Variants in PIEZO2 observed in about 807,000 individuals in gnomAD.
PIEZO2 encodes the protein piezo type mechanosensitive ion channel component 2, also known as piezo-type mechanosensitive ion channel component 2.
In PIEZO2, 172 loss-of-function variants were observed where a neutral mutation model predicts 337.3. The ratio of observed to expected loss-of-function variants is 0.51; its 90% CI spans 0.45 to 0.58. The LOEUF is 0.58. Ranked by LOEUF, PIEZO2 falls within the 20% of genes least tolerant of loss-of-function variation. PIEZO2 has a pLI of 0.00. For missense variants in PIEZO2, 3,028 were observed against 3,391.3 expected, an observed-to-expected ratio of 0.89 and a Z score of 2.66; for synonymous variants, 1,251 against 1,228.5, an observed-to-expected ratio of 1.02 and a Z score of -0.38.
Position 10,795,193 on chromosome 18 carries a change from T to C in PIEZO2, c.1528-191A>G, listed in dbSNP as rs11080458. On this transcript the variant is annotated intron_variant, in intron 12 of 55. Transcript: ENST00000674853. This position sits in a 1 kb window ranked among gnomAD's most constrained non-coding sequence, Gnocchi z 4.4. Reference sequence around the variant, plus strand: ...CTTGGAAGGCAGGAGGTTTTAAAGCTTTAACATTGTAGCTCCATTAACACA... The same window carrying C: ...CTTGGAAGGCAGGAGGTTTTAAAGCCTTAACATTGTAGCTCCATTAACACA... Among the ~76,000 whole-genome samples, 25,645 of 152,134 alleles carry C rather than the reference T, an allele frequency of 0.17. 2,494 individuals are homozygous for C. The highest frequency in any genetic ancestry group is 0.39 in the East Asian group (2,036 of 5,174).
intron 4 of PIEZO2, among the ~76,000 whole-genome samples, chr18:10,898,353 A>T (rs957785434): frequency 6.6e-6 from 1 of 152,124 alleles, no homozygotes; most frequent in East Asian, 1.9e-4. Flanking sequence ...CCCAGGAGGC[A>T]GAGCTTGCAG....
intron 21 of PIEZO2, among the ~76,000 whole-genome samples, chr18:10,768,932 G>A (rs939887299): frequency 1.3e-5 from 2 of 152,020 alleles, no homozygotes; most frequent in Non-Finnish European, 2.9e-5. Context: ...ATGAATTTCC[G>A]CTCCCCCAAT....
chr18:10,878,171 T>G lies in PIEZO2; in HGVS notation c.330-6756A>C, dbSNP rs949015373. On this transcript the variant is annotated intron_variant, in intron 4 of 55. Transcript: ENST00000674853. The surrounding 1 kb of genome is among the most constrained non-coding windows in gnomAD (Gnocchi z 4.3). ...TACCAATCTGCCTAACAGAAGCCCT[T>G]GCCTGTTTCATCTGTTTCCCTGGGG... 9.9e-5 allele frequency among the ~76,000 whole-genome samples: 15 copies of G among 152,228 alleles called. No homozygotes were observed. Among genetic ancestry groups the G allele is most frequent in the Admixed American group, 2.6e-4 (4 of 15,286 alleles).
chr18:11,069,235 T>C lies in PIEZO2; in HGVS notation c.65-3013A>G, dbSNP rs1337881201. On this transcript the variant is annotated intron_variant, in intron 1 of 55. Coordinates refer to ENST00000674853, the MANE Select transcript of PIEZO2 (RefSeq NM_001378183.1). This position sits in a 1 kb window ranked among gnomAD's most constrained non-coding sequence, Gnocchi z 4.9. ...ACAAGGATAATACAAGGAAAGAAAA[T>C]TACAGGCCAGTGTCCTTGATGAACA... 1.3e-5 allele frequency among the ~76,000 whole-genome samples: 2 copies of C among 151,962 alleles called. No homozygotes were observed. The highest frequency in any genetic ancestry group is 1.5e-5 in the Non-Finnish European group (1 of 67,996).
chr18:10,812,375 T>C (rs2040221114), intron 7 of PIEZO2, among the ~76,000 whole-genome samples: 1 of 152,048 alleles, frequency 6.6e-6, no homozygotes, highest in Admixed American at 6.5e-5. Context: ...CGGGGCCTAC[T>C]TGAGGGTGAG....
Position 10,791,201 on chromosome 18 carries a change from CT to C in PIEZO2, c.1881del (p.Asp628MetfsTer31). ...CAGCCACACATATACACTAATTTACCTTTTTCTTCATTTTCCTGACTGCCAA... is the reference window on the plus strand; with the variant it reads ...CAGCCACACATATACACTAATTTACCTTTTCTTCATTTTCCTGACTGCCAA... ...VKIGSQENEEKDEELQDIQVE... is the reference protein window; with the variant it reads ...VKIGSQENEEXDEELQDIQVE... On this transcript the variant is annotated frameshift_variant and splice_region_variant, in exon 14 of 56. Coordinates refer to ENST00000674853, the MANE Select transcript of PIEZO2 (RefSeq NM_001378183.1). LOFTEE classifies it high-confidence loss of function. The C allele has an allele frequency of 6.5e-7, 1 of 1,534,140 alleles. No homozygotes were observed. The highest frequency in any genetic ancestry group is 8.7e-7 in the Non-Finnish European group (1 of 1,145,390).
chr18:10,676,981 G>A lies in PIEZO2; in HGVS notation c.8081+766C>T, dbSNP rs1204919491. On this transcript the variant is annotated intron_variant, in intron 53 of 55. Coordinates refer to ENST00000674853, the MANE Select transcript of PIEZO2 (RefSeq NM_001378183.1). This position sits in a 1 kb window ranked among gnomAD's most constrained non-coding sequence, Gnocchi z 5.1. The stretch of plus-strand genomic sequence containing the variant: ...ACTATGTTGGGCCATATGAACCCAG[G>A]TGGACCTGCCAGAGCTCCCACACCT... Among the ~76,000 whole-genome samples the A allele has an allele frequency of 6.6e-6, 1 of 152,174 alleles. No individual in the cohort carries two copies. Among genetic ancestry groups the A allele is most frequent in the African/African-American group, 2.4e-5 (1 of 41,444 alleles).
chr18:10,922,027 T>C (rs1387506081), intron 3 of PIEZO2, among the ~76,000 whole-genome samples: 1 of 146,590 alleles, frequency 6.8e-6, no homozygotes, highest in Non-Finnish European at 1.5e-5. Context: ...TCATTAGCAA[T>C]TTTAATTTTG....
chr18:10,834,741 T>G lies in PIEZO2; in HGVS notation c.917+20612A>C, dbSNP rs915510245. Among the ~76,000 whole-genome samples, 3 of 152,100 alleles carry G rather than the reference T, an allele frequency of 2.0e-5. No individual in the cohort carries two copies. The highest frequency in any genetic ancestry group is 7.2e-5 in the African/African-American group (3 of 41,412). ...CCTTCCCTTTCCACAAGGCCAGGCTTCCTAGAAAAGGCAGGGTGCCTAGAA... is the reference window on the plus strand; with the variant it reads ...CCTTCCCTTTCCACAAGGCCAGGCTGCCTAGAAAAGGCAGGGTGCCTAGAA... On this transcript the variant is annotated intron_variant, in intron 7 of 55. Coordinates refer to ENST00000674853, the MANE Select transcript of PIEZO2 (RefSeq NM_001378183.1). The surrounding 1 kb of genome is among the most constrained non-coding windows in gnomAD (Gnocchi z 4.5).
At position 10,895,181 on chromosome 18, in the gene PIEZO2, C is replaced by T. The variant is rs1008530726; in HGVS notation, c.329+16005G>A. On this transcript the variant is annotated intron_variant, in intron 4 of 55. Coordinates refer to ENST00000674853, the MANE Select transcript of PIEZO2 (RefSeq NM_001378183.1). The surrounding 1 kb of genome is among the most constrained non-coding windows in gnomAD (Gnocchi z 4.8). The stretch of plus-strand genomic sequence containing the variant: ...AGCCTCATGGCCGAGCATGGTGGCT[C>T]ATGCCTGTAATCCCAGCATTTTGGG... 6.6e-6 allele frequency among the ~76,000 whole-genome samples: 1 copy of T among 152,186 alleles called. No homozygotes were observed. The highest frequency in any genetic ancestry group is 1.9e-4 in the East Asian group (1 of 5,188).
intron 7 of PIEZO2, among the ~76,000 whole-genome samples, chr18:10,822,515 C>T (rs190484073): frequency 1.6e-4 from 24 of 152,288 alleles, no homozygotes; most frequent in Non-Finnish European, 1.8e-4. Context: ...GAGAAGCTCC[C>T]TGATTAGGAA....
chr18:10,686,870 C>A (rs886888139), intron 49 of PIEZO2, among the ~76,000 whole-genome samples: 1 of 152,082 alleles, frequency 6.6e-6, no homozygotes, highest in African/African-American at 2.4e-5. Context: ...GATCTTTATT[C>A]AATGGATGGC....
At chr18:10,873,067 AT>A (rs562329502) in intron 4 of PIEZO2, among the ~76,000 whole-genome samples, 126 of 152,332 alleles carry the variant, frequency 8.3e-4, no homozygotes, top group African/African-American at 2.9e-3. Context: ...ATACATATTC[AT>A]ATGCACTTTA....
chr18:10,765,617 T>A (rs1484482526), intron 21 of PIEZO2, among the ~76,000 whole-genome samples: 1 of 152,114 alleles, frequency 6.6e-6, no homozygotes, highest in Non-Finnish European at 1.5e-5. Context: ...GTAGGACACC[T>A]GAAAGAGCTT....
At chr18:10,884,885 G>A (rs1448857766) in intron 4 of PIEZO2, among the ~76,000 whole-genome samples, 5 of 152,028 alleles carry the variant, frequency 3.3e-5, no homozygotes, top group African/African-American at 9.7e-5. Flanking sequence ...AAGGAAGAGC[G>A]AAAACAGCAT....
At chr18:11,118,411 G>A (rs899213047) in intron 1 of PIEZO2, among the ~76,000 whole-genome samples, 1 of 152,188 alleles carries the variant, frequency 6.6e-6, no homozygotes, top group Non-Finnish European at 1.5e-5. Flanking sequence ...ATGTGTTAGC[G>A]TCATTGCTTT....
intron 2 of PIEZO2, among the ~76,000 whole-genome samples, chr18:10,999,479 T>G (rs981743757): frequency 1.3e-5 from 2 of 152,236 alleles, no homozygotes; most frequent in African/African-American, 4.8e-5. Context: ...TTGTCCTTAT[T>G]CTCTAAAAGA....
chr18:11,006,350 A>G (rs116411763), intron 2 of PIEZO2, among the ~76,000 whole-genome samples: 2,125 of 152,346 alleles, frequency 0.014, 56 homozygotes, highest in African/African-American at 0.049. Context: ...TGAATAACTG[A>G]ACGAATGAAT....
chr18:11,006,754 C>A (rs368467150), intron 2 of PIEZO2, among the ~76,000 whole-genome samples: 210 of 152,226 alleles, frequency 1.4e-3, no homozygotes, highest in African/African-American at 5.0e-3. Context: ...TATGAATCTT[C>A]AGGTGCATCC....
Sources: gnomAD v4.1 joint callset for allele counts (sites outside exome capture counted in the v4.1 genomes callset) on GRCh38, gnomAD v4.1.1 for gene constraint, Gnocchi (gnomAD v3.1) non-coding constraint, MANE v1.5 for transcripts, NCBI Gene and HGNC (gene_info 2026-07-23, HGNC 2026-07-21) for gene names.